The following NKPD1 variants were observed in gnomAD, a reference collection of about 807,000 sequenced individuals.
The protein encoded by NKPD1 is NTPase KAP family P-loop domain containing 1.
A neutral mutation model predicts 42.2 loss-of-function variants in NKPD1; 37 were observed. The ratio of observed to expected loss-of-function variants is 0.88; its 90% CI spans 0.67 to 1.15. The LOEUF (loss-of-function observed/expected upper bound fraction) is 1.15. Ranked by LOEUF, NKPD1 falls within the 50% of genes most tolerant of loss-of-function variation. The probability of loss-of-function intolerance (pLI) is 0.00; values close to 1 mark genes in which losing one functional copy is unlikely to be tolerated. For missense variants in NKPD1, 1,113 were observed against 1,174.6 expected (o/e 0.95, Z 0.77); for synonymous variants, 552 against 536.5 (o/e 1.03, Z -0.40).
At chr19:45,155,759 C>G (rs1968890182) in intron 4 of NKPD1, 26 bp downstream of exon 4, 8 of 1,287,100 alleles carry the variant, frequency 6.2e-6, no homozygotes, top group Admixed American at 4.6e-5. Flanking sequence ...TCATCCTCCC[C>G]CCAACAAACA....
upstream of NKPD1, among the ~76,000 whole-genome samples, chr19:45,161,629 C>T (rs1184981668): frequency 1.3e-5 from 2 of 152,220 alleles, no homozygotes; most frequent in Non-Finnish European, 2.9e-5. Flanking sequence ...GATTTGGAAG[C>T]AGTCAGTGGT....
chr19:45,159,357 G>A (rs1855139892), intron 2 of NKPD1, among the ~76,000 whole-genome samples: 1 of 152,196 alleles, frequency 6.6e-6, no homozygotes, highest in Admixed American at 6.5e-5. Context: ...GGACGCCTGA[G>A]GTTGGGGCTT....
upstream of NKPD1, among the ~76,000 whole-genome samples, chr19:45,161,772 C>T (rs940607411): frequency 3.3e-5 from 5 of 152,216 alleles, no homozygotes; most frequent in African/African-American, 7.2e-5. Flanking sequence ...GAAGGCCCCT[C>T]GGCTCTCTGG....
chr19:45,159,700 T>A (rs981403051), intron 2 of NKPD1, among the ~76,000 whole-genome samples: 14 of 152,080 alleles, frequency 9.2e-5, no homozygotes, highest in African/African-American at 3.4e-4. Context: ...CACCAGAAAC[T>A]GGGCCCAGCC....
Position 45,152,002 on chromosome 19 carries a change from C to T in NKPD1, c.2435G>A (p.Gly812Asp). 2 of 1,609,540 alleles carry T rather than the reference C, an allele frequency of 1.2e-6. No individual in the cohort carries two copies. Among genetic ancestry groups the T allele is most frequent in the Non-Finnish European group, 1.7e-6 (2 of 1,178,042 alleles). Residue 812 changes from glycine (G) to aspartate (D), a missense_variant, in exon 5 of 5, where the codon GGC becomes GAC. By Grantham distance (94) the Gly-to-Asp change is moderately conservative. Transcript: ENST00000686631. ...GHHTGDLAHR[G>D]KLWPVACALF... ...CGCACAGGCCACCGGCCATAGCTTG[C>T]CCCTGTGGGCCAAGTCCCCAGTGTG...
At chr19:45,156,995 G>T (rs1388442838) in intron 3 of NKPD1, among the ~76,000 whole-genome samples, 1 of 152,130 alleles carries the variant, frequency 6.6e-6, no homozygotes, top group Non-Finnish European at 1.5e-5. Flanking sequence ...AATAGACATC[G>T]TAGCCCTGAG....
rs759563361 is a variant in NKPD1, at chr19:45,153,441, G to C, written c.996C>G (p.Ser332Arg). The C allele has an allele frequency of 6.5e-7, 1 of 1,548,104 alleles. No homozygotes were observed. Among genetic ancestry groups the C allele is most frequent in the African/African-American group, 1.4e-5 (1 of 73,796 alleles). ...ACACGCGGCGCCGACAATGCCACTC[G>C]CTCTGGCAGCAGTCCTGCCTGGTGG... ...KPATRQDCCQ[S>R]EWHCRRRVCL... The change falls in exon 5 of 5, where the codon AGC becomes AGG. Residue 332 changes from serine (S) to arginine (R), a missense_variant. Physicochemically the swap from Ser to Arg is moderately radical, Grantham distance 110 (BLOSUM62 -1). Around this residue, in one of 3 missense-constraint regions of NKPD1, gnomAD observed 867 missense variants for 870.1 expected, o/e 1.00. Transcript: ENST00000686631.
chr19:45,153,944 A>G lies in NKPD1; in HGVS notation c.662-169T>C. 4 of 649,722 alleles carry G rather than the reference A, an allele frequency of 6.2e-6. No individual in the cohort carries two copies. In the South Asian group the frequency reaches 1.5e-4, roughly 25 times the overall value. The allele number at this position is 649,722 out of a possible 1,614,324, so 40.2% of individuals were successfully genotyped here. On this transcript the variant is annotated intron_variant, in intron 4 of 4. Transcript: ENST00000686631. ...TTAAAGAGCTGGAAGCCGGTGCAGAAGCGGGGGCGTGGAGAGGCCTGGAGC... is the reference window on the plus strand; with the variant it reads ...TTAAAGAGCTGGAAGCCGGTGCAGAGGCGGGGGCGTGGAGAGGCCTGGAGC...
chr19:45,153,792 CG>C lies in NKPD1; in HGVS notation c.662-18del. ...GCATCAGCGCTGCGGGAAGGGAGCC[CG>C]GGAGCCGCGTGAGCCGCAGACCCGC... is the stretch of plus-strand genomic sequence containing the variant. On this transcript the variant is annotated intron_variant, in intron 4 of 4. Coordinates refer to ENST00000686631, the MANE Select transcript of NKPD1 (RefSeq NM_198478.4). 1 of 1,431,072 alleles carries C rather than the reference CG, an allele frequency of 7.0e-7. No individual in the cohort carries two copies. Among genetic ancestry groups the C allele is most frequent in the Admixed American group, 2.6e-5 (1 of 39,048 alleles). The allele number at this position is 1,431,072 out of a possible 1,614,324, so 88.6% of individuals were successfully genotyped here.
chr19:45,162,116 C>T (rs558046757), upstream of NKPD1, among the ~76,000 whole-genome samples: 91 of 152,274 alleles, frequency 6.0e-4, no homozygotes, highest in Admixed American at 4.6e-3. Context: ...CCCACACCCC[C>T]GGCCCGATCA....
upstream of NKPD1, among the ~76,000 whole-genome samples, chr19:45,162,742 G>T (rs936363498): frequency 1.1e-4 from 16 of 152,198 alleles, no homozygotes; most frequent in African/African-American, 3.4e-4. Flanking sequence ...TGACTTGGCA[G>T]AGGTGCCAGT....
At chr19:45,153,832 G>T (rs922707395) in intron 4 of NKPD1, 57 bp from the exon 5 acceptor site, 4 of 1,400,062 alleles carry the variant, frequency 2.9e-6, no homozygotes, top group African/African-American at 1.5e-5. Context: ...GGTGGGCGGG[G>T]CCTAGTACGG....
chr19:45,153,925 A>G (rs1056784714), intron 4 of NKPD1, 150 bp from the exon 5 acceptor site: 13 of 767,160 alleles, frequency 1.7e-5, no homozygotes, highest in Non-Finnish European at 2.4e-5. Context: ...CTCCTTAAAG[A>G]GCTGGAAGCC....
At position 45,160,196 on chromosome 19, in the gene NKPD1, G is replaced by A; in HGVS notation, c.-46C>T. ...CTGGGGGCCTGCTCCTGAGGCAGGA[G>A]GGAGCACACAGGCTTGGCGTAGCCT... is the stretch of plus-strand genomic sequence containing the variant. On this transcript the variant is annotated 5_prime_UTR_variant, in exon 2 of 5. Transcript: ENST00000686631. 2.5e-6 allele frequency: 3 copies of A among 1,178,088 alleles called. No homozygotes were observed. The highest frequency in any genetic ancestry group is 3.4e-6 in the Non-Finnish European group (3 of 875,450). 73.0% of individuals were successfully genotyped at this position (1,178,088 alleles called of 1,614,324 possible).
rs1034295363 is a variant in NKPD1 at position 45,153,477 on chromosome 19, G to C, written c.960C>G (p.Gly320=). 6.4e-6 allele frequency: 10 copies of C among 1,553,420 alleles called. No homozygotes were observed. The African/African-American group carries it at 1.4e-4, about 21-fold the overall frequency. ...ALPFSVYSVL[G]NKPATRQDCC... The stretch of plus-strand genomic sequence containing the variant: ...AGTCCTGCCTGGTGGCCGGCTTGTT[G>C]CCCAGCACCGAGTACACGCTGAAGG... Residue 320 remains glycine (G), a synonymous_variant, in exon 5 of 5, where the codon GGC becomes GGG. Coordinates refer to ENST00000686631, the MANE Select transcript of NKPD1 (RefSeq NM_198478.4).
At chr19:45,157,718 A>C (rs1968929448) in intron 3 of NKPD1, among the ~76,000 whole-genome samples, 2 of 72,052 alleles carry the variant, frequency 2.8e-5, no homozygotes, top group African/African-American at 5.9e-5. Context: ...GCCCAGACAT[A>C]CTTTTTTTTT....
Position 45,152,240 on chromosome 19 carries a change from C to T in NKPD1, c.2197G>A (p.Val733Met). 6.2e-7 allele frequency: 1 copy of T among 1,607,016 alleles called. No homozygotes were observed. Among genetic ancestry groups the T allele is most frequent in the Non-Finnish European group, 8.5e-7 (1 of 1,177,650 alleles). Residue 733 changes from valine to methionine, a missense_variant, in exon 5 of 5, where the codon GTG becomes ATG. Physicochemically the swap from Val to Met is conservative, Grantham distance 21. Coordinates refer to ENST00000686631, the MANE Select transcript of NKPD1 (RefSeq NM_198478.4). ...RFLGADFPFT[V>M]AEAQSLLRCT... ...CGCAGCAGGCTCTGCGCCTCGGCCA[C>T]GGTGAAGGGGAAGTCGGCGCCCAGG...
chr19:45,153,559 C>T lies in NKPD1; in HGVS notation c.878G>A (p.Trp293Ter). 6.4e-7 allele frequency: 1 copy of T among 1,553,248 alleles called. No homozygotes were observed. The highest frequency in any genetic ancestry group is 8.7e-7 in the Non-Finnish European group (1 of 1,145,874). ...AWQYAGTDKL[W>*]AGLVTTLCEG... Reference sequence around the variant, plus strand: ...GCACAACGTGGTCACCAGGCCGGCCCACAGCTTGTCGGTGCCCGCGTACTG... The same window carrying T: ...GCACAACGTGGTCACCAGGCCGGCCTACAGCTTGTCGGTGCCCGCGTACTG... The change falls in exon 5 of 5, where the codon TGG (tryptophan) becomes TAG (stop). Residue 293 changes from tryptophan to a stop codon, truncating the protein, a stop_gained. Transcript: ENST00000686631. LOFTEE classifies it high-confidence loss of function.
rs907716714 is a variant in NKPD1, at chr19:45,152,125, G to A, written c.2312C>T (p.Ser771Phe). 6.2e-7 allele frequency: 1 copy of A among 1,603,416 alleles called. No homozygotes were observed. The highest frequency in any genetic ancestry group is 1.1e-5 in the South Asian group (1 of 90,192). Residue 771 changes from serine (S) to phenylalanine (F), a missense_variant, in exon 5 of 5, where the codon TCC becomes TTC. Ser to Phe is a radical substitution (Grantham distance 155). This residue lies in a region of NKPD1 where 867 missense variants were observed against 870.1 expected (regional missense o/e 1.00). Coordinates refer to ENST00000686631, the MANE Select transcript of NKPD1 (RefSeq NM_198478.4). ...AGCGTGGGGGGTATCGCGGGTAGGG[G>A]ACTTGGGCGGGCTGGGCGGCTTGAG... ...SALKPPSPPKSPTRDTPHAAH... is the reference protein window; with the variant it reads ...SALKPPSPPKFPTRDTPHAAH...
Sources: allele counts gnomAD v4.1 joint callset (sites outside exome capture counted in the v4.1 genomes callset), GRCh38; gene constraint gnomAD v4.1.1; regional missense constraint gnomAD v4.1.1; transcripts MANE v1.5; gene names NCBI Gene and HGNC (gene_info 2026-07-23, HGNC 2026-07-21).